The following NECAB1 variants were observed in gnomAD, a reference collection of about 807,000 sequenced individuals.
The protein encoded by NECAB1 is N-terminal EF-hand calcium binding protein 1.
In NECAB1, 29 loss-of-function variants were observed where a neutral mutation model predicts 57.5. The observed-to-expected ratio is 0.50, with a 90% CI of 0.38 to 0.69. NECAB1 has a LOEUF of 0.69. Ranked by LOEUF, NECAB1 falls within the 30% of genes least tolerant of loss-of-function variation. The pLI, the probability that NECAB1 is intolerant of heterozygous loss-of-function variation, is 0.00. For missense variants in NECAB1, 372 were observed against 413.8 expected, an observed-to-expected ratio of 0.90 and a Z score of 0.88; for synonymous variants, 142 against 147.7, an observed-to-expected ratio of 0.96 and a Z score of 0.28.
At chr8:90,818,597 T>C (rs1187310389) in intron 2 of NECAB1, among the ~76,000 whole-genome samples, 1 of 152,052 alleles carries the variant, frequency 6.6e-6, no homozygotes, top group Non-Finnish European at 1.5e-5. Flanking sequence ...GTAACTGCAA[T>C]TCTTCTCCTT....
intron 7 of NECAB1, among the ~76,000 whole-genome samples, chr8:90,927,056 C>T (rs951121250): frequency 6.6e-6 from 1 of 152,086 alleles, no homozygotes; most frequent in African/African-American, 2.4e-5. Context: ...TCCAAAATAT[C>T]TTTTCTTGGG....
At chr8:90,825,672 A>AG (rs1491440450) in intron 3 of NECAB1, among the ~76,000 whole-genome samples, 2 of 151,862 alleles carry the variant, frequency 1.3e-5, no homozygotes, top group African/African-American at 4.8e-5. Context: ...ACATCTATAA[A>AG]CAGACATTTT....
chr8:90,925,381 A>G (rs74569896), intron 6 of NECAB1, among the ~76,000 whole-genome samples, 154 bp from the exon 7 acceptor site: 2,504 of 152,308 alleles, frequency 0.016, 66 homozygotes, highest in East Asian at 0.14. Flanking sequence ...ACCAAATTAC[A>G]TTGGGTTTCT....
chr8:90,830,468 A>C (rs1812284499), intron 3 of NECAB1, among the ~76,000 whole-genome samples: 1 of 152,150 alleles, frequency 6.6e-6, no homozygotes, highest in South Asian at 2.1e-4. Flanking sequence ...TCCAGAGTAC[A>C]TCAGACTAAC....
chr8:90,873,173 T>TA (rs898711167), intron 4 of NECAB1, among the ~76,000 whole-genome samples: 3 of 152,154 alleles, frequency 2.0e-5, no homozygotes, highest in Non-Finnish European at 2.9e-5. Flanking sequence ...CCAATGATTG[T>TA]AAAAAAACTC....
At chr8:90,914,706 TG>T (rs1809911106) in intron 5 of NECAB1, among the ~76,000 whole-genome samples, 1 of 152,234 alleles carries the variant, frequency 6.6e-6, no homozygotes, top group Non-Finnish European at 1.5e-5. Context: ...TGATTTGCTA[TG>T]GTGGAGCAAT....
chr8:90,868,545 C>A (rs561557227), intron 3 of NECAB1, among the ~76,000 whole-genome samples: 5 of 152,200 alleles, frequency 3.3e-5, no homozygotes, highest in Non-Finnish European at 7.3e-5. Context: ...AAGTTACTGA[C>A]AGCATTGTGC....
At chr8:90,805,666 T>G (rs966509800) in intron 2 of NECAB1, among the ~76,000 whole-genome samples, 1 of 151,872 alleles carries the variant, frequency 6.6e-6, no homozygotes, top group Admixed American at 6.6e-5. Context: ...ACAGGTTGAA[T>G]GAAAATGGAA....
At chr8:90,838,225 C>T (rs562470365) in intron 3 of NECAB1, among the ~76,000 whole-genome samples, 1 of 152,158 alleles carries the variant, frequency 6.6e-6, no homozygotes, top group East Asian at 1.9e-4. Flanking sequence ...GAAACTGAGA[C>T]TTTAAGTGAA....
chr8:90,861,698 C>T (rs185193143), intron 3 of NECAB1, among the ~76,000 whole-genome samples: 3 of 152,176 alleles, frequency 2.0e-5, no homozygotes, highest in Admixed American at 6.5e-5. Context: ...TTAGGTTATT[C>T]GATCTTCACA....
rs1586156851 is a variant in NECAB1 at position 90,957,000 on chromosome 8, G to C, written c.*1488G>C. On this transcript the variant is annotated 3_prime_UTR_variant, in exon 13 of 13. Transcript: ENST00000417640. ...TGTGTGTGTGTATTTGTGTGCCTCT[G>C]GTCAACTCTAAGGATGACAGACACT... is the stretch of plus-strand genomic sequence containing the variant. 1 of 149,138 alleles carries C rather than the reference G, an allele frequency of 6.7e-6. No homozygotes were observed. The highest frequency in any genetic ancestry group is 3.4e-3 in the Middle Eastern group (1 of 298). 9.2% of individuals were successfully genotyped at this position (149,138 alleles called of 1,614,324 possible). A position where few individuals can be genotyped will look rare whatever the true frequency, so the allele number is the denominator to read the frequency against.
chr8:90,853,194 G>A (rs775640386), intron 3 of NECAB1, among the ~76,000 whole-genome samples: 30 of 152,314 alleles, frequency 2.0e-4, no homozygotes, highest in Middle Eastern at 3.4e-3. Context: ...GGAGTGCAGC[G>A]GGTCTGAGTG....
chr8:90,879,431 G>A (rs533439471), intron 4 of NECAB1, among the ~76,000 whole-genome samples: 27 of 151,768 alleles, frequency 1.8e-4, no homozygotes, highest in African/African-American at 3.4e-4. Context: ...TTATACGCAC[G>A]AGCCTCCATG....
Position 90,958,735 on chromosome 8 carries a change from C to A in NECAB1, c.*3223C>A. On this transcript the variant is annotated 3_prime_UTR_variant, in exon 13 of 13. Transcript: ENST00000417640. The stretch of plus-strand genomic sequence containing the variant: ...AAAACAAAAAATTGCAAGTAGTATG[C>A]AAATTATAAATATACAGTCTTCCCA... 1 of 324,868 alleles carries A rather than the reference C, an allele frequency of 3.1e-6. No homozygotes were observed. Among genetic ancestry groups the A allele is most frequent in the Non-Finnish European group, 5.6e-6 (1 of 178,936 alleles). The allele number at this position is 324,868 out of a possible 1,614,324, so 20.1% of individuals were successfully genotyped here.
intron 5 of NECAB1, among the ~76,000 whole-genome samples, chr8:90,906,431 AC>A (rs1179011145): frequency 6.6e-6 from 1 of 151,928 alleles, no homozygotes; most frequent in African/African-American, 2.4e-5. Context: ...TCCAGCTTCA[AC>A]CCCCTACCTT....
intron 6 of NECAB1, among the ~76,000 whole-genome samples, chr8:90,923,452 G>A (rs551886120): frequency 6.6e-6 from 1 of 152,344 alleles, no homozygotes; most frequent in African/African-American, 2.4e-5. Context: ...ACTTAACAAT[G>A]CCAATGGTCA....
At chr8:90,907,728 C>T (rs898815162) in intron 5 of NECAB1, among the ~76,000 whole-genome samples, 4 of 151,948 alleles carry the variant, frequency 2.6e-5, no homozygotes, top group Admixed American at 6.6e-5. Context: ...TGATGAAGTA[C>T]AGTATTTTGG....
intron 8 of NECAB1, among the ~76,000 whole-genome samples, chr8:90,933,988 G>A (rs529768134): frequency 3.3e-5 from 5 of 151,966 alleles, no homozygotes; most frequent in Middle Eastern, 3.4e-3. Flanking sequence ...CTTTTCTTTC[G>A]TTTACCTTCC....
intron 12 of NECAB1, among the ~76,000 whole-genome samples, chr8:90,951,775 A>C (rs1302124903): frequency 2.0e-5 from 3 of 151,460 alleles, no homozygotes; most frequent in Non-Finnish European, 2.9e-5. Context: ...GAAAAAAAAA[A>C]CCCAGCTAAG....
Sources: allele counts gnomAD v4.1 joint callset (sites outside exome capture counted in the v4.1 genomes callset), GRCh38; gene constraint gnomAD v4.1.1; transcripts MANE v1.5; gene names NCBI Gene and HGNC (gene_info 2026-07-23, HGNC 2026-07-21).